DCLK1: variants seen among roughly 807,000 people sequenced by gnomAD.
DCLK1 encodes the protein serine/threonine-protein kinase DCLK1.
DCLK1 carries 16 observed loss-of-function variants against 86.2 expected under a neutral mutation model. The ratio of observed to expected loss-of-function variants is 0.19; its 90% CI spans 0.13 to 0.28. DCLK1 has a LOEUF of 0.28. Ranked by LOEUF, DCLK1 falls within the 10% of genes least tolerant of loss-of-function variation. The probability of loss-of-function intolerance (pLI) is 1.00; values close to 1 mark genes in which losing one functional copy is unlikely to be tolerated. For missense variants in DCLK1, 590 were observed against 940.2 expected, an observed-to-expected ratio of 0.63 and a Z score of 4.87; for synonymous variants, 369 against 370.5, an observed-to-expected ratio of 1.00 and a Z score of 0.05.
chr13:35,811,219 T>C (rs1386449063), intron 11 of DCLK1, among the ~76,000 whole-genome samples: 1 of 152,100 alleles, frequency 6.6e-6, no homozygotes, highest in Non-Finnish European at 1.5e-5. Flanking sequence ...CAACGAGAGG[T>C]TACATGACCT....
At chr13:35,904,165 C>A (rs909780772) in intron 4 of DCLK1, among the ~76,000 whole-genome samples, 2 of 151,974 alleles carry the variant, frequency 1.3e-5, no homozygotes, top group Non-Finnish European at 2.9e-5. Flanking sequence ...AAGTATCATA[C>A]AACATTTTCA....
chr13:35,829,609 A>G (rs530433148), intron 8 of DCLK1, among the ~76,000 whole-genome samples: 1 of 152,298 alleles, frequency 6.6e-6, no homozygotes, highest in East Asian at 1.9e-4. Flanking sequence ...GAAATTTTTC[A>G]TGTCATTTAC....
At chr13:35,861,682 T>C (rs1871391963) in intron 5 of DCLK1, among the ~76,000 whole-genome samples, 1 of 142,664 alleles carries the variant, frequency 7.0e-6, no homozygotes. Flanking sequence ...CTTTGACTTC[T>C]GTCCCTGTAC....
chr13:35,821,310 T>C (rs912228367), intron 11 of DCLK1, among the ~76,000 whole-genome samples: 5 of 152,298 alleles, frequency 3.3e-5, no homozygotes, highest in South Asian at 2.1e-4. Context: ...AGCTTTTATT[T>C]GTGTCATGGG....
In DCLK1 at chr13:35,772,124, A is replaced by C. The variant is rs150326507; in HGVS notation, c.*2411T>G. On this transcript the variant is annotated 3_prime_UTR_variant, in exon 17 of 17. Transcript: ENST00000360631. Reference sequence around the variant, plus strand: ...ACTGGTCACATTCCACTGTTTATTCAGCATAGATCACTCAAATTCTACAGT... The same window carrying C: ...ACTGGTCACATTCCACTGTTTATTCCGCATAGATCACTCAAATTCTACAGT... 1.4e-4 allele frequency: 21 copies of C among 152,296 alleles called. No homozygotes were observed. Among genetic ancestry groups the C allele is most frequent in the African/African-American group, 5.1e-4 (21 of 41,572 alleles). The allele number at this position is 152,296 out of a possible 1,614,324, so 9.4% of individuals were successfully genotyped here. A position where few individuals can be genotyped will look rare whatever the true frequency, so the allele number is the denominator to read the frequency against.
chr13:35,867,963 A>AAGAAAGAGAGAG (rs796441369), intron 5 of DCLK1, among the ~76,000 whole-genome samples: 4 of 135,154 alleles, frequency 3.0e-5, no homozygotes, highest in Non-Finnish European at 3.1e-5. Flanking sequence ...GAAAGAAAGA[A>AAGAAAGAGAGAG]AGAGAAAAAG....
chr13:36,045,377 T>TATATAC (rs568110221), intron 3 of DCLK1, among the ~76,000 whole-genome samples: 2 of 125,076 alleles, frequency 1.6e-5, no homozygotes, highest in African/African-American at 5.7e-5. Context: ...TATATATATA[T>TATATAC]TTCAAGGTAA....
chr13:35,970,771 T>A (rs1414825721), intron 3 of DCLK1, among the ~76,000 whole-genome samples: 1 of 152,206 alleles, frequency 6.6e-6, no homozygotes, highest in Non-Finnish European at 1.5e-5. Flanking sequence ...CAGCCTCGGG[T>A]ATTCTGTTAT....
rs190464785 is a variant in DCLK1 at position 35,789,028 on chromosome 13, T to C, written c.2058+4338A>G. ...TTTGATTAACACAAAGTACAATAAA[T>C]AGAAGACAGGAGAAGTTCTCAAAGT... On this transcript the variant is annotated intron_variant, in intron 16 of 16. Transcript: ENST00000360631. Among the ~76,000 whole-genome samples the C allele has an allele frequency of 3.6e-3, 541 of 152,270 alleles. 2 individuals are homozygous for C. The highest frequency in any genetic ancestry group is 0.013 in the African/African-American group (524 of 41,554).
At chr13:35,851,995 ATGTGTGTGTGTGTG>A (rs1555344390) in intron 6 of DCLK1, among the ~76,000 whole-genome samples, 1 of 143,544 alleles carries the variant, frequency 7.0e-6, no homozygotes, top group African/African-American at 2.5e-5. Context: ...ATGTGTGTGT[ATGTGTGTGTGTGTG>A]TGTGTGTGTG....
At chr13:35,872,542 A>G (rs1203216775) in intron 4 of DCLK1, among the ~76,000 whole-genome samples, 2 of 152,208 alleles carry the variant, frequency 1.3e-5, no homozygotes, top group African/African-American at 4.8e-5. Flanking sequence ...TTTGTAAATG[A>G]GTGTGCAGTT....
chr13:35,796,860 G>A (rs1194682544), intron 15 of DCLK1, among the ~76,000 whole-genome samples: 1 of 152,208 alleles, frequency 6.6e-6, no homozygotes, highest in Non-Finnish European at 1.5e-5. Flanking sequence ...TGGTGAGGCG[G>A]AAGGAGAATT....
chr13:35,899,453 G>T, intron 4 of DCLK1, among the ~76,000 whole-genome samples: 1 of 151,824 alleles, frequency 6.6e-6, no homozygotes, highest in East Asian at 1.9e-4. Flanking sequence ...TATCAGCCAT[G>T]ACACTGATTA....
intron 2 of DCLK1, among the ~76,000 whole-genome samples, chr13:36,122,943 A>G (rs1175385796): frequency 1.3e-5 from 2 of 152,212 alleles, no homozygotes; most frequent in Non-Finnish European, 2.9e-5. Context: ...TAATCCATAG[A>G]TAAAAACAAA....
At chr13:35,788,598 A>G (rs2086660079) in intron 16 of DCLK1, among the ~76,000 whole-genome samples, 1 of 152,236 alleles carries the variant, frequency 6.6e-6, no homozygotes, top group Admixed American at 6.5e-5. Flanking sequence ...AGAATAGAAA[A>G]TGCTTCACAA....
chr13:35,959,854 CGTGTGT>C (rs67600362), intron 3 of DCLK1, among the ~76,000 whole-genome samples: 63,777 of 149,228 alleles, frequency 0.43, 14,431 homozygotes, highest in Admixed American at 0.52. Flanking sequence ...TACAGCAAGT[CGTGTGT>C]GTGTGTGTGT....
chr13:35,879,119 AAAGAAG>A, intron 4 of DCLK1, among the ~76,000 whole-genome samples: 1 of 152,328 alleles, frequency 6.6e-6, no homozygotes, highest in East Asian at 1.9e-4. Context: ...CAAAAGTGAA[AAAGAAG>A]GCATGGGACA....
At chr13:35,851,733 G>A (rs560548260) in intron 6 of DCLK1, among the ~76,000 whole-genome samples, 16 of 152,276 alleles carry the variant, frequency 1.1e-4, no homozygotes, top group South Asian at 6.2e-4. Context: ...ACATTGCCAC[G>A]AATATGCTTA....
chr13:36,119,040 G>C (rs553337728), intron 2 of DCLK1, among the ~76,000 whole-genome samples: 2 of 152,080 alleles, frequency 1.3e-5, no homozygotes, highest in Non-Finnish European at 2.9e-5. Context: ...AATTTTGAGG[G>C]GGTCCCAAAC....
Sources: allele counts gnomAD v4.1 joint callset (sites outside exome capture counted in the v4.1 genomes callset), GRCh38; gene constraint gnomAD v4.1.1; transcripts MANE v1.5; gene names NCBI Gene and HGNC (gene_info 2026-07-23, HGNC 2026-07-21).